The following NBEAL1 variants were observed in gnomAD, a reference collection of about 807,000 sequenced individuals.
NBEAL1 encodes the protein neurobeachin-like protein 1.
Under a neutral mutation model 351.3 loss-of-function variants are expected in NBEAL1, and 273 were observed. The observed-to-expected ratio is 0.78, with a 90% CI of 0.70 to 0.86. The LOEUF is 0.86. NBEAL1 is among the 40% of genes least tolerant of loss of function. NBEAL1 has a pLI of 0.00. For synonymous variants in NBEAL1, 1,050 were observed against 1,086.4 expected, an observed-to-expected ratio of 0.97 and a Z score of 0.66; for missense variants, 2,961 against 3,201.3, an observed-to-expected ratio of 0.92 and a Z score of 1.81.
At chr2:203,180,617 C>A in intron 43 of NBEAL1, 105 bp downstream of exon 43, 1 of 1,062,988 alleles carries the variant, frequency 9.4e-7, no homozygotes. Flanking sequence ...ATTTAAGATT[C>A]ATTCTGTCTG....
intron 7 of NBEAL1, among the ~76,000 whole-genome samples, chr2:203,070,353 C>G (rs950193644): frequency 7.2e-6 from 1 of 139,844 alleles, no homozygotes; most frequent in Non-Finnish European, 1.5e-5. Flanking sequence ...CTCTCTCTCT[C>G]TCTCTCTTTT....
intron 46 of NBEAL1, chr2:203,191,319 GAAA>G (rs200659518): frequency 1.8e-3 from 692 of 388,896 alleles, no homozygotes; most frequent in South Asian, 2.9e-3. Context: ...TTTGACAACT[GAAA>G]AAAAAAAAAA....
In NBEAL1 at chr2:203,024,087, T is replaced by C. The variant is rs192209254; in HGVS notation, c.51+7652T>C. On this transcript the variant is annotated intron_variant, in intron 2 of 55. Coordinates refer to ENST00000683969, the MANE Select transcript of NBEAL1 (RefSeq NM_001378026.1). ...GGCTCATGCCTATAATTCTAGCTCTTTGGGAGGGCAGGGTGGGAGATTTGC... is the reference window on the plus strand; with the variant it reads ...GGCTCATGCCTATAATTCTAGCTCTCTGGGAGGGCAGGGTGGGAGATTTGC... 4.7e-3 allele frequency among the ~76,000 whole-genome samples: 713 copies of C among 151,766 alleles called. 8 individuals carry two copies. Among genetic ancestry groups the C allele is most frequent in the African/African-American group, 0.016 (673 of 41,376 alleles).
intron 1 of NBEAL1, among the ~76,000 whole-genome samples, chr2:203,015,300 C>A (rs977414696): frequency 3.9e-5 from 6 of 152,168 alleles, no homozygotes; most frequent in African/African-American, 1.4e-4. Flanking sequence ...TGGGAAGTTC[C>A]TCGCCGGTGT....
chr2:203,162,844 C>T (rs933725891), intron 36 of NBEAL1, among the ~76,000 whole-genome samples: 1 of 152,044 alleles, frequency 6.6e-6, no homozygotes, highest in South Asian at 2.1e-4. Context: ...GACCAAGTCT[C>T]ACAAAAAATA....
chr2:203,164,394 G>A (rs2064065862), intron 36 of NBEAL1, among the ~76,000 whole-genome samples: 1 of 151,540 alleles, frequency 6.6e-6, no homozygotes. Context: ...AGTTATATAG[G>A]GAACTATCTT....
At chr2:203,149,176 TC>T (rs2063585746) in intron 34 of NBEAL1, 28 bp downstream of exon 34, 5 of 1,545,658 alleles carry the variant, frequency 3.2e-6, no homozygotes, top group Middle Eastern at 1.7e-4. Context: ...TATTAAGTAC[TC>T]CTTTTTCTTT....
chr2:203,044,476 A>G (rs983368146), intron 3 of NBEAL1, among the ~76,000 whole-genome samples: 6 of 152,178 alleles, frequency 3.9e-5, no homozygotes, highest in African/African-American at 1.4e-4. Flanking sequence ...TCTAAGGTGC[A>G]GTTGTTATCA....
At chr2:203,139,630 T>C (rs1054145392) in intron 31 of NBEAL1, among the ~76,000 whole-genome samples, 1 of 130,210 alleles carries the variant, frequency 7.7e-6, no homozygotes, top group African/African-American at 2.8e-5. Flanking sequence ...GTGCGGTGGC[T>C]CTCGGCTCAC....
chr2:203,069,574 G>T (rs2061647299), intron 7 of NBEAL1, among the ~76,000 whole-genome samples: 1 of 152,154 alleles, frequency 6.6e-6, no homozygotes, highest in African/African-American at 2.4e-5. Flanking sequence ...AAAAGCCTTT[G>T]TCTCTTGTAT....
At chr2:203,129,570 A>G (rs956299594) in intron 24 of NBEAL1, among the ~76,000 whole-genome samples, 4 of 152,200 alleles carry the variant, frequency 2.6e-5, no homozygotes, top group African/African-American at 9.6e-5. Flanking sequence ...TTATTTGTTG[A>G]GGACTTACTG....
chr2:203,198,277 T>C (rs1292411079), intron 48 of NBEAL1, among the ~76,000 whole-genome samples: 1 of 151,936 alleles, frequency 6.6e-6, no homozygotes, highest in Non-Finnish European at 1.5e-5. Context: ...CCTCACAAAG[T>C]GCCTGCGTTT....
chr2:203,215,887 T>G (rs2105862755), intron 55 of NBEAL1, among the ~76,000 whole-genome samples: 1 of 151,898 alleles, frequency 6.6e-6, no homozygotes, highest in Admixed American at 6.6e-5. Flanking sequence ...GGTATGTTCC[T>G]GTAGTCTCAG....
chr2:203,022,000 G>C (rs2060779841), intron 2 of NBEAL1, among the ~76,000 whole-genome samples: 2 of 151,490 alleles, frequency 1.3e-5, no homozygotes, highest in South Asian at 4.2e-4. Flanking sequence ...GCAGTGACCT[G>C]AGATCTCGCC....
chr2:203,045,666 A>G (rs2061214081), intron 3 of NBEAL1, among the ~76,000 whole-genome samples: 1 of 152,246 alleles, frequency 6.6e-6, no homozygotes, highest in Admixed American at 6.5e-5. Flanking sequence ...ACTGTATTCT[A>G]CATGTGACTA....
At chr2:203,079,280 T>C (rs575072248) in intron 8 of NBEAL1, among the ~76,000 whole-genome samples, 124 of 152,252 alleles carry the variant, frequency 8.1e-4, no homozygotes, top group African/African-American at 2.8e-3. Flanking sequence ...AAGACACTCT[T>C]TTGCCATGTT....
At chr2:203,187,797 A>G (rs1207098778) in intron 44 of NBEAL1, among the ~76,000 whole-genome samples, 1 of 152,046 alleles carries the variant, frequency 6.6e-6, no homozygotes, top group Non-Finnish European at 1.5e-5. Context: ...CTGCTCTCAC[A>G]CTTTATCATA....
chr2:203,053,884 T>C (rs563015427), intron 4 of NBEAL1, among the ~76,000 whole-genome samples: 8 of 152,206 alleles, frequency 5.3e-5, no homozygotes, highest in Non-Finnish European at 1.2e-4. Flanking sequence ...AATAGTATTT[T>C]GTAAAACAGA....
chr2:203,024,539 G>A (rs1347267861), intron 2 of NBEAL1, among the ~76,000 whole-genome samples: 137 of 146,324 alleles, frequency 9.4e-4, no homozygotes, highest in African/African-American at 3.3e-3. Flanking sequence ...GCAATAGAGT[G>A]AGACTCTGTC....
Sources: allele counts gnomAD v4.1 joint callset (sites outside exome capture counted in the v4.1 genomes callset), GRCh38; gene constraint gnomAD v4.1.1; transcripts MANE v1.5; gene names NCBI Gene and HGNC (gene_info 2026-07-23, HGNC 2026-07-21).